The following TBC1D4 variants were observed in gnomAD, a reference collection of about 807,000 sequenced individuals.
TBC1D4 encodes TBC1 domain family member 4, also known as TBC (Tre-2, BUB2, CDC16) domain-containing protein.
Under a neutral mutation model 142.5 loss-of-function variants are expected in TBC1D4, and 121 were observed. The ratio of observed to expected loss-of-function variants is 0.85; its 90% CI spans 0.73 to 0.99. The LOEUF is 0.99. Among genes scored for constraint, TBC1D4 ranks in the 50% least tolerant of loss-of-function variants. The pLI is 0.00. For missense variants in TBC1D4, 1,475 were observed against 1,606.6 expected, an observed-to-expected ratio of 0.92 and a Z score of 1.40; for synonymous variants, 630 against 628.2, an observed-to-expected ratio of 1.00 and a Z score of -0.04.
chr13:75,325,878 A>G (rs1879191061), intron 10 of TBC1D4, among the ~76,000 whole-genome samples: 1 of 152,212 alleles, frequency 6.6e-6, no homozygotes, highest in Non-Finnish European at 1.5e-5. Context: ...TTGTTTCTCT[A>G]GAATCATCAT....
chr13:75,320,116 C>A, intron 11 of TBC1D4, 79 bp from the exon 12 acceptor site: 2 of 1,481,206 alleles, frequency 1.4e-6, no homozygotes, highest in Non-Finnish European at 1.9e-6. Context: ...AAAGGCATTC[C>A]AATAAGTCAT....
chr13:75,370,725 G>C (rs751027492), intron 1 of TBC1D4, among the ~76,000 whole-genome samples: 1 of 152,196 alleles, frequency 6.6e-6, no homozygotes, highest in Non-Finnish European at 1.5e-5. Context: ...GAAGCTTATA[G>C]ACATTCAAGA....
chr13:75,365,045 A>C (rs1882821747), intron 1 of TBC1D4, among the ~76,000 whole-genome samples: 1 of 152,206 alleles, frequency 6.6e-6, no homozygotes, highest in South Asian at 2.1e-4. Context: ...TGAAAAACTG[A>C]TTTGTGGCTG....
At position 75,341,519 on chromosome 13, in the gene TBC1D4, C is replaced by T. The variant is rs765394581; in HGVS notation, c.1477G>A (p.Ala493Thr). ...HLSSLTDNEQ[A>T]DIFERVQKMK... ...ACCTGAACTCTTTCAAAGATGTCAG[C>T]TTGCTCATTATCTGTCAGTGATGAG... The change falls in exon 6 of 21, where the codon GCT becomes ACT. Residue 493 changes from alanine to threonine, a missense_variant. Coordinates refer to ENST00000377636, the MANE Select transcript of TBC1D4 (RefSeq NM_014832.5). The T allele has an allele frequency of 2.7e-5, 43 of 1,614,010 alleles. No individual in the cohort carries two copies. Among genetic ancestry groups the T allele is most frequent in the Middle Eastern group, 3.3e-4 (2 of 6,062 alleles).
intron 5 of TBC1D4, among the ~76,000 whole-genome samples, chr13:75,347,016 T>C (rs1442467286): frequency 6.6e-6 from 1 of 152,194 alleles, no homozygotes; most frequent in Non-Finnish European, 1.5e-5. Context: ...AAATGTCACC[T>C]TCTGTACTTA....
At chr13:75,301,753 A>C (rs1876583303) in intron 16 of TBC1D4, among the ~76,000 whole-genome samples, 1 of 152,174 alleles carries the variant, frequency 6.6e-6, no homozygotes, top group African/African-American at 2.4e-5. Flanking sequence ...CTCACCCTAT[A>C]GGTGTATAGT....
chr13:75,409,774 A>G (rs1885520205), intron 1 of TBC1D4, among the ~76,000 whole-genome samples: 1 of 152,216 alleles, frequency 6.6e-6, no homozygotes, highest in African/African-American at 2.4e-5. Context: ...CTCTTTAGAC[A>G]TGTATGTAAT....
At chr13:75,458,786 GAC>G (rs1484324806) in intron 1 of TBC1D4, among the ~76,000 whole-genome samples, 2 of 151,952 alleles carry the variant, frequency 1.3e-5, no homozygotes, top group Admixed American at 6.6e-5. Flanking sequence ...TGAACTACTA[GAC>G]ATAGGAGTTA....
intron 12 of TBC1D4, among the ~76,000 whole-genome samples, chr13:75,314,693 C>T (rs1280232326): frequency 1.3e-5 from 2 of 152,042 alleles, no homozygotes; most frequent in African/African-American, 4.8e-5. Context: ...TGGCCAGGCA[C>T]GGTGGCTCAC....
At chr13:75,358,517 T>C (rs978513363) in intron 3 of TBC1D4, among the ~76,000 whole-genome samples, 8 of 152,060 alleles carry the variant, frequency 5.3e-5, no homozygotes, top group Non-Finnish European at 8.8e-5. Context: ...ATATCAGAAG[T>C]GAACTGTATT....
At chr13:75,395,353 C>T (rs929861894) in intron 1 of TBC1D4, among the ~76,000 whole-genome samples, 5 of 152,164 alleles carry the variant, frequency 3.3e-5, no homozygotes, top group Non-Finnish European at 7.4e-5. Context: ...AGGCCCTTTT[C>T]GCGAATGTTT....
In TBC1D4 at chr13:75,308,087, A is replaced by C. The variant is rs548204146; in HGVS notation, c.2594-1616T>G. On this transcript the variant is annotated intron_variant, in intron 14 of 20. Transcript: ENST00000377636. ...ATAAAATGGTGAACAGGGACAGTTA[A>C]TATCTGCCCTTAACTGTTTAACTAG... 2.6e-5 allele frequency among the ~76,000 whole-genome samples: 4 copies of C among 152,376 alleles called. No individual in the cohort carries two copies. The South Asian group carries it at 8.3e-4, about 32-fold the overall frequency.
At chr13:75,358,548 A>G (rs1162670794) in intron 3 of TBC1D4, among the ~76,000 whole-genome samples, 3 of 152,150 alleles carry the variant, frequency 2.0e-5, no homozygotes, top group Non-Finnish European at 2.9e-5. Flanking sequence ...GAGGCAAACA[A>G]TTAAGGTGTA....
In TBC1D4 at chr13:75,481,951, C is replaced by T. The variant is rs568681634; in HGVS notation, c.-184G>A. 4.2e-5 allele frequency: 37 copies of T among 878,016 alleles called. No homozygotes were observed. In the African/African-American group the frequency reaches 6.0e-4, roughly 14 times the overall value. 54.4% of individuals were successfully genotyped at this position (878,016 alleles called of 1,614,324 possible). A position where few individuals can be genotyped will look rare whatever the true frequency, so the allele number is the denominator to read the frequency against. ...GCCCCATGCAGCACTTCCACGGGCG[C>T]GGCTCGGAGGCTCCGGCGGCGGGCA... is the stretch of plus-strand genomic sequence containing the variant. On this transcript the variant is annotated 5_prime_UTR_variant, in exon 1 of 21. Coordinates refer to ENST00000377636, the MANE Select transcript of TBC1D4 (RefSeq NM_014832.5).
In TBC1D4 at chr13:75,299,361, T is replaced by C. The variant is rs960384265; in HGVS notation, c.3125A>G (p.Lys1042Arg). 6.2e-7 allele frequency: 1 copy of C among 1,614,092 alleles called. No individual in the cohort carries two copies. Among genetic ancestry groups the C allele is most frequent in the Admixed American group, 1.7e-5 (1 of 60,012 alleles). The change falls in exon 17 of 21, where the codon AAG becomes AGG. Residue 1042 changes from lysine (K) to arginine (R), a missense_variant. Lys to Arg is a conservative substitution (Grantham distance 26, BLOSUM62 2). Coordinates refer to ENST00000377636, the MANE Select transcript of TBC1D4 (RefSeq NM_014832.5). ...KFLMYDLGFR[K>R]QYRPDMMSLQ... ...CGACATCATGTCAGGTCTGTACTGC[T>C]TGCGGAAGCCGAGGTCATACATGAG...
intron 13 of TBC1D4, 146 bp downstream of exon 13, chr13:75,312,592 T>C (rs986296378): frequency 9.3e-6 from 10 of 1,072,578 alleles, no homozygotes; most frequent in South Asian, 1.4e-5. Flanking sequence ...TTTCTAATGA[T>C]ACCTGAAAGA....
intron 9 of TBC1D4, 71 bp downstream of exon 9, chr13:75,327,681 G>A: frequency 7.5e-7 from 1 of 1,330,350 alleles, no homozygotes. Flanking sequence ...AAAAAATGGA[G>A]CATGCATATT....
In TBC1D4 at chr13:75,381,141, G is replaced by C. The variant is rs4608216; in HGVS notation, c.499-18534C>G. ...ATAGGTTCTTAATAATGTTAATAAA[G>C]TGGATGAATTAACTTGTAAATAAAA... is the stretch of plus-strand genomic sequence containing the variant. On this transcript the variant is annotated intron_variant, in intron 1 of 20. Transcript: ENST00000377636. Among the ~76,000 whole-genome samples, 900 of 152,068 alleles carry C rather than the reference G, an allele frequency of 5.9e-3. 13 individuals are homozygous for C. Among genetic ancestry groups the C allele is most frequent in the African/African-American group, 0.02 (813 of 41,452 alleles).
chr13:75,446,321 C>T (rs898741086), intron 1 of TBC1D4, among the ~76,000 whole-genome samples: 1 of 152,180 alleles, frequency 6.6e-6, no homozygotes, highest in Non-Finnish European at 1.5e-5. Flanking sequence ...GTTGTGCAAG[C>T]ATCACCTCTA....
Sources: allele counts gnomAD v4.1 joint callset (sites outside exome capture counted in the v4.1 genomes callset), GRCh38; gene constraint gnomAD v4.1.1; transcripts MANE v1.5; gene names NCBI Gene and HGNC (gene_info 2026-07-23, HGNC 2026-07-21).